The following FBN2 variants were observed in gnomAD, a reference collection of about 807,000 sequenced individuals.
FBN2 encodes fibrillin-2.
In FBN2, 105 loss-of-function variants were observed where a neutral mutation model predicts 355.6. The ratio of observed to expected loss-of-function variants is 0.30; its 90% CI spans 0.25 to 0.35. The LOEUF (loss-of-function observed/expected upper bound fraction) is 0.35, where lower values mean the gene tolerates loss of function less well. Ranked by LOEUF, FBN2 falls within the 10% of genes least tolerant of loss-of-function variation. The probability of loss-of-function intolerance (pLI) is 1.00; values close to 1 mark genes in which losing one functional copy is unlikely to be tolerated. For missense variants in FBN2, 3,280 were observed against 3,758.7 expected, an observed-to-expected ratio of 0.87 and a Z score of 3.33; for synonymous variants, 1,350 against 1,301.2, an observed-to-expected ratio of 1.04 and a Z score of -0.81.
chr5:128,499,226 T>G (rs1755738767), intron 5 of FBN2, among the ~76,000 whole-genome samples: 1 of 152,170 alleles, frequency 6.6e-6, no homozygotes, highest in South Asian at 2.1e-4. Context: ...AATAATCTAG[T>G]AGTAAATTAT....
At chr5:128,301,344 A>C in intron 47 of FBN2, 38 bp downstream of exon 47, 1 of 1,588,812 alleles carries the variant, frequency 6.3e-7, no homozygotes, top group South Asian at 1.1e-5. Flanking sequence ...TTTACAAAAC[A>C]TAACACCACA....
chr5:128,331,891 A>T (rs1750703231), intron 32 of FBN2, among the ~76,000 whole-genome samples: 1 of 152,176 alleles, frequency 6.6e-6, no homozygotes, highest in African/African-American at 2.4e-5. Context: ...GGGAGGCCAA[A>T]AAGAGAAAAA....
chr5:128,293,430 T>C (rs550819380), intron 48 of FBN2, among the ~76,000 whole-genome samples: 42 of 151,878 alleles, frequency 2.8e-4, no homozygotes, highest in Admixed American at 7.2e-4. Flanking sequence ...AGGTGGGGGT[T>C]GCAGTGAGCC....
chr5:128,324,030 G>A (rs543436157), intron 34 of FBN2, among the ~76,000 whole-genome samples: 28 of 152,304 alleles, frequency 1.8e-4, no homozygotes, highest in African/African-American at 6.7e-4. Flanking sequence ...GGGTGTATGT[G>A]TCCAGGAATT....
At chr5:128,440,334 T>G (rs1378185603) in intron 7 of FBN2, among the ~76,000 whole-genome samples, 1 of 152,184 alleles carries the variant, frequency 6.6e-6, no homozygotes, top group African/African-American at 2.4e-5. Flanking sequence ...GAAAAAAAGT[T>G]TTATTTTATT....
intron 3 of FBN2, among the ~76,000 whole-genome samples, chr5:128,530,308 A>T (rs1756668556): frequency 6.6e-6 from 1 of 152,162 alleles, no homozygotes; most frequent in Non-Finnish European, 1.5e-5. Flanking sequence ...AACCCACAAA[A>T]CACATGTTAA....
At chr5:128,522,302 C>T (rs114343533) in intron 4 of FBN2, among the ~76,000 whole-genome samples, 144 of 152,234 alleles carry the variant, frequency 9.5e-4, no homozygotes, top group African/African-American at 3.2e-3. Flanking sequence ...AACTCCCGCA[C>T]ATCAAAATTT....
At chr5:128,379,062 C>T (rs1752160503) in intron 11 of FBN2, among the ~76,000 whole-genome samples, 172 bp from the exon 12 acceptor site, 1 of 152,052 alleles carries the variant, frequency 6.6e-6, no homozygotes, top group South Asian at 2.1e-4. Context: ...ACTCAGAGGC[C>T]AGTTTGAGGA....
chr5:128,313,000 T>C (rs748211593), intron 36 of FBN2, among the ~76,000 whole-genome samples: 19 of 152,204 alleles, frequency 1.2e-4, no homozygotes, highest in Non-Finnish European at 2.5e-4. Context: ...GACTTTCCTA[T>C]ATTTAGAAAT....
intron 18 of FBN2, among the ~76,000 whole-genome samples, chr5:128,362,064 ATCCCTG>A (rs1751652920): frequency 6.6e-6 from 1 of 152,200 alleles, no homozygotes; most frequent in Admixed American, 6.5e-5. Flanking sequence ...ATGCTTTTAA[ATCCCTG>A]GAAAGTATGC....
At chr5:128,371,497 C>G (rs1414123218) in intron 15 of FBN2, among the ~76,000 whole-genome samples, 2 of 139,196 alleles carry the variant, frequency 1.4e-5, no homozygotes, top group African/African-American at 5.1e-5. Flanking sequence ...TCTTCCCTCC[C>G]TCCCTCCCTC....
intron 4 of FBN2, among the ~76,000 whole-genome samples, chr5:128,525,047 C>A (rs1394509011): frequency 6.6e-6 from 1 of 152,084 alleles, no homozygotes; most frequent in Admixed American, 6.6e-5. Flanking sequence ...AGAGACACAC[C>A]CACTAGAGCG....
intron 56 of FBN2, 65 bp from the exon 57 acceptor site, chr5:128,278,906 A>T (rs1765465320): frequency 7.6e-7 from 1 of 1,312,848 alleles, no homozygotes; most frequent in Non-Finnish European, 1.1e-6. Flanking sequence ...TGGCTTTCAA[A>T]TTAAGCAGGG....
intron 38 of FBN2, 27 bp downstream of exon 38, chr5:128,311,854 TTGAA>T: frequency 6.5e-7 from 1 of 1,539,134 alleles, no homozygotes; most frequent in Non-Finnish European, 9.0e-7. Flanking sequence ...TTTACCTTGT[TTGAA>T]TCTGGGTGAC....
chr5:128,330,537 C>T (rs769606892), intron 33 of FBN2, 36 bp downstream of exon 33: 1 of 1,611,330 alleles, frequency 6.2e-7, no homozygotes, highest in East Asian at 2.2e-5. Flanking sequence ...GTTCTATGAC[C>T]ATCCCGTCAG....
At chr5:128,515,266 T>G (rs180756327) in intron 5 of FBN2, among the ~76,000 whole-genome samples, 30 of 152,296 alleles carry the variant, frequency 2.0e-4, no homozygotes, top group East Asian at 1.9e-4. Flanking sequence ...TATACAATAA[T>G]TAAAGAGTTT....
At chr5:128,338,552 CA>C (rs1463238767) in intron 26 of FBN2, among the ~76,000 whole-genome samples, 3 of 152,006 alleles carry the variant, frequency 2.0e-5, no homozygotes, top group African/African-American at 7.2e-5. Context: ...TTGGGAATAC[CA>C]AAAGAGTTTG....
chr5:128,507,955 AG>A (rs1345228774), intron 5 of FBN2, among the ~76,000 whole-genome samples: 1 of 152,000 alleles, frequency 6.6e-6, no homozygotes, highest in East Asian at 1.9e-4. Context: ...TATGCTATTA[AG>A]TGAGAGAACA....
chr5:128,300,221 T>G (rs1749675649), intron 48 of FBN2, among the ~76,000 whole-genome samples: 1 of 152,170 alleles, frequency 6.6e-6, no homozygotes, highest in South Asian at 2.1e-4. Context: ...TAAAAAATAA[T>G]TTGTATAAAA....
Sources: allele counts gnomAD v4.1 joint callset (sites outside exome capture counted in the v4.1 genomes callset), GRCh38; gene constraint gnomAD v4.1.1; transcripts MANE v1.5; gene names NCBI Gene and HGNC (gene_info 2026-07-23, HGNC 2026-07-21).